Variants in FAM221A observed in about 807,000 individuals in gnomAD.
FAM221A encodes the protein family with sequence similarity 221 member A.
In FAM221A, 43 loss-of-function variants were observed where a neutral mutation model predicts 37.6. That is an observed-to-expected ratio of 1.15 (90% CI 0.90 to 1.48). The LOEUF (loss-of-function observed/expected upper bound fraction) is 1.48. Among genes scored for constraint, FAM221A ranks in the 40% most tolerant of loss-of-function variants. The pLI is 0.00. For missense variants in FAM221A, 361 were observed against 361.5 expected, an observed-to-expected ratio of 1.00 and a Z score of 0.01; for synonymous variants, 135 against 132.9, an observed-to-expected ratio of 1.02 and a Z score of -0.11.
In FAM221A at chr7:23,691,426, G is replaced by C. The variant is rs1162766945; in HGVS notation, c.467G>C (p.Cys156Ser). The stretch of plus-strand genomic sequence containing the variant: ...TCAGGATTCCATAGCTGCTTCACTT[G>C]TGCTTGTGGTCAGCCTGCATATGCC... ...KCSGFHSCFTCACGQPAYAHD... is the reference protein window; with the variant it reads ...KCSGFHSCFTSACGQPAYAHD... Residue 156 changes from cysteine (C) to serine (S), a missense_variant, in exon 4 of 7, where the codon TGT becomes TCT. Physicochemically the swap from Cys to Ser is moderately radical, Grantham distance 112. Coordinates refer to ENST00000344962, the MANE Select transcript of FAM221A (RefSeq NM_199136.5). The C allele has an allele frequency of 3.7e-6, 6 of 1,614,126 alleles. No individual in the cohort carries two copies. Among genetic ancestry groups the C allele is most frequent in the Non-Finnish European group, 5.1e-6 (6 of 1,180,008 alleles).
Position 23,691,573 on chromosome 7 carries a change from T to G in FAM221A, c.614T>G (p.Met205Arg), listed in dbSNP as rs1416514809. ...TGFSSLAEGY[M>R]RLDDSGIGVP... ...TTCAGCTCGCTGGCGGAAGGCTACA[T>G]GCGGTTAGATGACAGTGGGATTGGT... Residue 205 changes from methionine to arginine, a missense_variant, in exon 4 of 7, where the codon ATG becomes AGG. Physicochemically the swap from Met to Arg is moderately conservative, Grantham distance 91. Transcript: ENST00000344962. 6.2e-7 allele frequency: 1 copy of G among 1,614,132 alleles called. No homozygotes were observed. Among genetic ancestry groups the G allele is most frequent in the Non-Finnish European group, 8.5e-7 (1 of 1,179,990 alleles).
chr7:23,692,215 T>C (rs1161175962), intron 4 of FAM221A: 1 of 970,410 alleles, frequency 1.0e-6, no homozygotes, highest in Non-Finnish European at 1.2e-6. Context: ...TGAGCGGGAC[T>C]GGGGAGCAGA....
Position 23,702,482 on chromosome 7 carries a change from T to C in FAM221A, c.*318T>C, listed in dbSNP as rs971131594. 6.0e-6 allele frequency: 1 copy of C among 167,546 alleles called. No homozygotes were observed. Among genetic ancestry groups the C allele is most frequent in the African/African-American group, 2.4e-5 (1 of 42,114 alleles). 10.4% of individuals were successfully genotyped at this position (167,546 alleles called of 1,614,324 possible). On this transcript the variant is annotated 3_prime_UTR_variant, in exon 7 of 7. Coordinates refer to ENST00000344962, the MANE Select transcript of FAM221A (RefSeq NM_199136.5). Reference sequence around the variant, plus strand: ...TCAGGTATTTAAAAAATTAAAGATATTATCAAGGGTTTTGGACAAACATAT... The same window carrying C: ...TCAGGTATTTAAAAAATTAAAGATACTATCAAGGGTTTTGGACAAACATAT...
In FAM221A at chr7:23,701,940, T is replaced by C. The variant is rs529486108; in HGVS notation, c.829-156T>C. ...ATTAAAATAAAACCATCTGAAAATG[T>C]GTAATTATGTCCCTTTAACAGATTT... On this transcript the variant is annotated intron_variant, in intron 6 of 6. Coordinates refer to ENST00000344962, the MANE Select transcript of FAM221A (RefSeq NM_199136.5). Among the ~76,000 whole-genome samples the C allele has an allele frequency of 2.6e-5, 4 of 152,346 alleles. 1 individual carries two copies. The South Asian group carries it at 8.3e-4, about 32-fold the overall frequency.
intron 1 of FAM221A, among the ~76,000 whole-genome samples, chr7:23,683,997 C>T (rs899630357): frequency 1.3e-4 from 20 of 152,084 alleles, no homozygotes; most frequent in Non-Finnish European, 4.4e-5. Flanking sequence ...TCCTGAAGAC[C>T]TTCCTCTGGA....
intron 2 of FAM221A, 99 bp from the exon 3 acceptor site, chr7:23,689,170 A>T (rs1784554913): frequency 1.3e-6 from 1 of 744,162 alleles, no homozygotes; most frequent in South Asian, 3.2e-5. Flanking sequence ...TAAAGCAATA[A>T]TAATTAAAAA....
chr7:23,683,876 C>T (rs1435911579), intron 1 of FAM221A, among the ~76,000 whole-genome samples: 1 of 152,126 alleles, frequency 6.6e-6, no homozygotes, highest in Non-Finnish European at 1.5e-5. Context: ...AAGATATCGC[C>T]AGACCAATTC....
intron 2 of FAM221A, among the ~76,000 whole-genome samples, chr7:23,685,617 A>G (rs1252476622): frequency 6.6e-6 from 1 of 152,216 alleles, no homozygotes; most frequent in Non-Finnish European, 1.5e-5. Context: ...AAATTTACTA[A>G]TTGCCTTTTA....
At chr7:23,680,454 AT>A (rs1486339943) in intron 1 of FAM221A, among the ~76,000 whole-genome samples, 171 bp downstream of exon 1, 1 of 152,120 alleles carries the variant, frequency 6.6e-6, no homozygotes, top group African/African-American at 2.4e-5. Context: ...CTAATTAAAT[AT>A]TGTAGGGCCA....
intron 3 of FAM221A, among the ~76,000 whole-genome samples, chr7:23,690,199 A>ATATATATTT (rs774313037): frequency 0.014 from 695 of 48,674 alleles, 22 homozygotes; most frequent in East Asian, 0.036. Context: ...ATATATATAT[A>ATATATATTT]TTTTTTTTTT....
chr7:23,701,112 A>G (rs1172071546), intron 6 of FAM221A, among the ~76,000 whole-genome samples: 1 of 152,226 alleles, frequency 6.6e-6, no homozygotes, highest in Non-Finnish European at 1.5e-5. Context: ...TAAAATTGTC[A>G]GTAATAAACA....
Position 23,698,288 on chromosome 7 carries a change from C to T in FAM221A, c.734C>T (p.Thr245Met), listed in dbSNP as rs754471540. Residue 245 changes from threonine to methionine, a missense_variant, in exon 5 of 7, where the codon ACG (threonine) becomes ATG (methionine). Transcript: ENST00000344962. ...GCATCATCTAGTTCTTCTCCAGAAACGTTAACAGATGGTAATGAAATGAAG... is the reference window on the plus strand; with the variant it reads ...GCATCATCTAGTTCTTCTCCAGAAATGTTAACAGATGGTAATGAAATGAAG... Reference protein sequence around the residue: ...FQASSSSSPETLTDVGTSSQV... With the variant: ...FQASSSSSPEMLTDVGTSSQV... 29 of 1,543,322 alleles carry T rather than the reference C, an allele frequency of 1.9e-5. No homozygotes were observed. In the Admixed American group the frequency reaches 2.0e-4, roughly 11 times the overall value.
chr7:23,689,427 AC>A lies in FAM221A; in HGVS notation c.399del (p.His133GlnfsTer36). On this transcript the variant is annotated frameshift_variant, in exon 3 of 7. Coordinates refer to ENST00000344962, the MANE Select transcript of FAM221A (RefSeq NM_199136.5). LOFTEE classifies it high-confidence loss of function. Reference sequence around the variant, plus strand: ...AGGTGCAAACACTTTGCTGATCAGCACAGTGCTGCGCCTGGCTTTACATGCA... The same window carrying A: ...AGGTGCAAACACTTTGCTGATCAGCAAGTGCTGCGCCTGGCTTTACATGCA... ...RCRCKHFADQ[H>X]SAAPGFTCNT... The A allele has an allele frequency of 6.3e-7, 1 of 1,592,784 alleles. No individual in the cohort carries two copies.
intron 2 of FAM221A, 118 bp downstream of exon 2, chr7:23,684,790 G>C: frequency 1.0e-6 from 1 of 986,704 alleles, no homozygotes; most frequent in Non-Finnish European, 1.4e-6. Context: ...ATATAGTAGA[G>C]TAGAAATTAT....
At chr7:23,699,520 G>A (rs1562529827) in intron 5 of FAM221A, among the ~76,000 whole-genome samples, 1 of 138,800 alleles carries the variant, frequency 7.2e-6, no homozygotes, top group Non-Finnish European at 1.6e-5. Flanking sequence ...GCTTGTTTCT[G>A]ATAGTCACCT....
chr7:23,691,438 A>G lies in FAM221A; in HGVS notation c.479A>G (p.Gln160Arg). 1.9e-6 allele frequency: 3 copies of G among 1,614,242 alleles called. No homozygotes were observed. The highest frequency in any genetic ancestry group is 2.5e-6 in the Non-Finnish European group (3 of 1,180,046). ...AGCTGCTTCACTTGTGCTTGTGGTC[A>G]GCCTGCATATGCCCATGACACAGTA... ...FHSCFTCACGQPAYAHDTVVE... is the reference protein window; with the variant it reads ...FHSCFTCACGRPAYAHDTVVE... Residue 160 changes from glutamine (Q) to arginine (R), a missense_variant, in exon 4 of 7, where the codon CAG becomes CGG. By Grantham distance (43) the Gln-to-Arg change is conservative. Coordinates refer to ENST00000344962, the MANE Select transcript of FAM221A (RefSeq NM_199136.5).
chr7:23,701,163 CT>C (rs1220279712), intron 6 of FAM221A, among the ~76,000 whole-genome samples: 4 of 146,020 alleles, frequency 2.7e-5, no homozygotes, highest in African/African-American at 1.0e-4. Context: ...ATCTTGAATT[CT>C]TTTTTTATAC....
chr7:23,687,696 T>TACAGTGGTGCCATCTC, intron 2 of FAM221A: 1 of 147,606 alleles, frequency 6.8e-6, no homozygotes, highest in East Asian at 2.0e-4. Flanking sequence ...CAGGCTGGAG[T>TACAGTGGTGCCATCTC]ACAGTGGTGC....
At chr7:23,684,840 C>T (rs534374190) in intron 2 of FAM221A, among the ~76,000 whole-genome samples, 168 bp downstream of exon 2, 1 of 152,296 alleles carries the variant, frequency 6.6e-6, no homozygotes, top group African/African-American at 2.4e-5. Flanking sequence ...TATCCCAGAA[C>T]TTTGGGAGGC....
Sources: gnomAD v4.1 joint callset for allele counts (sites outside exome capture counted in the v4.1 genomes callset) on GRCh38, gnomAD v4.1.1 for gene constraint, MANE v1.5 for transcripts, NCBI Gene and HGNC (gene_info 2026-07-23, HGNC 2026-07-21) for gene names.